The following TULP4 variants were observed in gnomAD, a reference collection of about 807,000 sequenced individuals.
TULP4 encodes TUB like protein 4.
In TULP4, 16 loss-of-function variants were observed where a neutral mutation model predicts 129.0. The observed-to-expected ratio is 0.12, with a 90% confidence interval of 0.08 to 0.19. The LOEUF (loss-of-function observed/expected upper bound fraction) is 0.19, where lower values mean the gene tolerates loss of function less well. TULP4 is among the 10% of genes least tolerant of loss of function. The pLI is 1.00. For synonymous variants in TULP4, 998 were observed against 854.0 expected, an observed-to-expected ratio of 1.17 and a Z score of -2.94; for missense variants, 1,842 against 2,059.1, an observed-to-expected ratio of 0.89 and a Z score of 2.04.
intron 1 of TULP4, among the ~76,000 whole-genome samples, chr6:158,324,657 C>T (rs1272796505): frequency 6.6e-6 from 1 of 152,130 alleles, no homozygotes; most frequent in East Asian, 1.9e-4. Context: ...ATATATATTC[C>T]TGTAATTTGT....
intron 1 of TULP4, among the ~76,000 whole-genome samples, chr6:158,272,663 G>A (rs1313420675): frequency 6.6e-6 from 1 of 152,206 alleles, no homozygotes; most frequent in Non-Finnish European, 1.5e-5. Context: ...TAGTTAAGTA[G>A]CATAGCTCTA....
At chr6:158,366,426 C>G (rs998371214) in intron 1 of TULP4, among the ~76,000 whole-genome samples, 10 of 152,214 alleles carry the variant, frequency 6.6e-5, no homozygotes, top group African/African-American at 2.4e-4. Context: ...CCTTCGAAGG[C>G]TGCAGGCTCT....
chr6:158,408,793 T>C (rs1370222506), intron 1 of TULP4, among the ~76,000 whole-genome samples: 1 of 152,246 alleles, frequency 6.6e-6, no homozygotes, highest in Non-Finnish European at 1.5e-5. Context: ...TTCAGGGTGC[T>C]TTTGGTTCGT....
intron 1 of TULP4, among the ~76,000 whole-genome samples, chr6:158,256,433 CTGT>C (rs1421089428): frequency 3.3e-5 from 5 of 152,276 alleles, no homozygotes; most frequent in African/African-American, 9.6e-5. Flanking sequence ...TGTGAACATC[CTGT>C]TGTTCTCTAA....
chr6:158,379,370 A>T (rs1390415117), intron 1 of TULP4, among the ~76,000 whole-genome samples: 2 of 152,198 alleles, frequency 1.3e-5, no homozygotes, highest in South Asian at 2.1e-4. Flanking sequence ...CAGAGAAAGA[A>T]GCACTAAACG....
At chr6:158,269,359 G>T (rs2128461010) in intron 1 of TULP4, among the ~76,000 whole-genome samples, 1 of 139,688 alleles carries the variant, frequency 7.2e-6, no homozygotes, top group African/African-American at 2.7e-5. Context: ...TAAACTCTTT[G>T]AACTTTAGTT....
chr6:158,322,390 T>C (rs1779660509), intron 1 of TULP4, among the ~76,000 whole-genome samples: 1 of 152,160 alleles, frequency 6.6e-6, no homozygotes, highest in Non-Finnish European at 1.5e-5. Flanking sequence ...GCTTTACCTG[T>C]CCAAGTCATT....
intron 4 of TULP4, among the ~76,000 whole-genome samples, chr6:158,450,775 G>T (rs1360810738): frequency 6.6e-6 from 1 of 151,760 alleles, no homozygotes. Flanking sequence ...GAAAACAAGG[G>T]ACTGGGCACG....
chr6:158,279,475 C>G (rs1370150314), upstream of TULP4, among the ~76,000 whole-genome samples: 1 of 152,142 alleles, frequency 6.6e-6, no homozygotes, highest in Non-Finnish European at 1.5e-5. Flanking sequence ...CGGTAATATT[C>G]TGTTTGACAC....
intron 1 of TULP4, among the ~76,000 whole-genome samples, chr6:158,349,950 G>T (rs1162176144): frequency 7.4e-6 from 1 of 135,044 alleles, no homozygotes; most frequent in African/African-American, 2.9e-5. Context: ...TGTGGCGGCC[G>T]GGCAGAGGCA....
intron 1 of TULP4, among the ~76,000 whole-genome samples, chr6:158,336,893 G>A (rs1780046913): frequency 6.6e-6 from 1 of 151,804 alleles, no homozygotes; most frequent in Admixed American, 6.6e-5. Flanking sequence ...TGTTTAAGAT[G>A]TTTTCTTCCT....
chr6:158,502,880 C>T lies in TULP4; in HGVS notation c.3217C>T (p.Pro1073Ser), dbSNP rs138666234. Residue 1073 changes from proline to serine, a missense_variant, in exon 13 of 14, where the codon CCA becomes TCA. By Grantham distance (74) the Pro-to-Ser change is moderately conservative. Transcript: ENST00000367097. ...CCAGTCCTCCTACAGCCTCCTGAGC[C>T]CACCCGACAGCGCCCGCGACCGCAC... ...ASQSSYSLLS[P>S]PDSARDRTDY... 1.9e-6 allele frequency: 3 copies of T among 1,613,918 alleles called. No homozygotes were observed. Among genetic ancestry groups the T allele is most frequent in the Non-Finnish European group, 2.5e-6 (3 of 1,180,022 alleles).
Position 158,502,611 on chromosome 6 carries a change from T to C in TULP4, c.2948T>C (p.Ile983Thr). The change falls in exon 13 of 14, where the codon ATC becomes ACC. Residue 983 changes from isoleucine (I) to threonine (T), a missense_variant. Transcript: ENST00000367097. The stretch of plus-strand genomic sequence containing the variant: ...GCCCAGAGGTCCGACAATAGCCTCA[T>C]CCACGCTACCCTGCGGAGGAACAAC... ...GAAQRSDNSL[I>T]HATLRRNNRE... The C allele has an allele frequency of 6.3e-7, 1 of 1,599,746 alleles. No homozygotes were observed. The highest frequency in any genetic ancestry group is 8.5e-7 in the Non-Finnish European group (1 of 1,179,290).
At chr6:158,467,957 C>T (rs1779589930) in intron 6 of TULP4, among the ~76,000 whole-genome samples, 1 of 152,252 alleles carries the variant, frequency 6.6e-6, no homozygotes, top group African/African-American at 2.4e-5. Context: ...CAGCAATCCT[C>T]TCCAGGGGGC....
chr6:158,338,454 G>A (rs1386375728), intron 1 of TULP4, among the ~76,000 whole-genome samples: 2 of 152,200 alleles, frequency 1.3e-5, no homozygotes, highest in Non-Finnish European at 2.9e-5. Flanking sequence ...CATGCAGCCA[G>A]CTTATTGAAG....
rs531536826 is a variant in TULP4, at chr6:158,493,482, C to G, written c.1632-91C>G. ...GGTGAGAACCCAACACCCAGGCTGGCTGTCCAGAAAAAGAAAGGACTGCTG... is the reference window on the plus strand; with the variant it reads ...GGTGAGAACCCAACACCCAGGCTGGGTGTCCAGAAAAAGAAAGGACTGCTG... On this transcript the variant is annotated intron_variant, in intron 9 of 13. Coordinates refer to ENST00000367097, the MANE Select transcript of TULP4 (RefSeq NM_020245.5). This position sits in a 1 kb window ranked among gnomAD's most constrained non-coding sequence, Gnocchi z 4.4. The G allele has an allele frequency of 1.5e-6, 2 of 1,317,872 alleles. No individual in the cohort carries two copies. The highest frequency in any genetic ancestry group is 4.3e-5 in the South Asian group (2 of 46,846). 81.6% of individuals were successfully genotyped at this position (1,317,872 alleles called of 1,614,324 possible).
In TULP4 at chr6:158,509,981, A is replaced by G. The variant is rs938733309; in HGVS notation, c.*3287A>G. 6.6e-6 allele frequency: 1 copy of G among 152,298 alleles called. No homozygotes were observed. The highest frequency in any genetic ancestry group is 1.5e-5 in the Non-Finnish European group (1 of 68,034). 9.4% of individuals were successfully genotyped at this position (152,298 alleles called of 1,614,324 possible). A position where few individuals can be genotyped will look rare whatever the true frequency, so the allele number is the denominator to read the frequency against. ...TAGTTTATGAATATCAAGATACCTC[A>G]TTGAATCCCTAAATTTAAAAGCAGT... On this transcript the variant is annotated 3_prime_UTR_variant, in exon 14 of 14. Coordinates refer to ENST00000367097, the MANE Select transcript of TULP4 (RefSeq NM_020245.5).
At position 158,396,252 on chromosome 6, in the gene TULP4, AGGG is replaced by A. The variant is rs1301810416; in HGVS notation, c.253-16812_253-16810del. On this transcript the variant is annotated intron_variant, in intron 1 of 13. Coordinates refer to ENST00000367097, the MANE Select transcript of TULP4 (RefSeq NM_020245.5). ...CCCCAACCTCTATTCTCTCATGTCG[AGGG>A]CAGAACCCAGGTTGGCTCTTCTTTT... Among the ~76,000 whole-genome samples, 634 of 152,288 alleles carry A rather than the reference AGGG, an allele frequency of 4.2e-3. 7 individuals are homozygous for A. Among genetic ancestry groups the A allele is most frequent in the African/African-American group, 0.015 (610 of 41,542 alleles).
chr6:158,365,961 G>GAT (rs1780945866), intron 1 of TULP4, among the ~76,000 whole-genome samples: 1 of 131,114 alleles, frequency 7.6e-6, no homozygotes, highest in South Asian at 2.6e-4. Flanking sequence ...GGAGTGCAGT[G>GAT]GCGCCATCTC....
Sources: gnomAD v4.1 joint callset for allele counts (sites outside exome capture counted in the v4.1 genomes callset) on GRCh38, gnomAD v4.1.1 for gene constraint, Gnocchi (gnomAD v3.1) non-coding constraint, MANE v1.5 for transcripts, NCBI Gene and HGNC (gene_info 2026-07-23, HGNC 2026-07-21) for gene names.